The following MGAT4C variants were observed in gnomAD, a reference collection of about 807,000 sequenced individuals.
MGAT4C encodes alpha-1,3-mannosyl-glycoprotein 4-beta-N-acetylglucosaminyltransferase C.
A neutral mutation model predicts 40.1 loss-of-function variants in MGAT4C; 19 were observed. The ratio of observed to expected loss-of-function variants is 0.47; its 90% CI spans 0.33 to 0.70. MGAT4C has a LOEUF of 0.70. Ranked by LOEUF, MGAT4C falls within the 30% of genes least tolerant of loss-of-function variation. The pLI, the probability that MGAT4C is intolerant of heterozygous loss-of-function variation, is 0.02. For synonymous variants in MGAT4C, 181 were observed against 187.1 expected (o/e 0.97, Z 0.27); for missense variants, 491 against 563.2 (o/e 0.87, Z 1.30).
At chr12:86,578,271 G>A (rs1049328025) in intron 2 of MGAT4C, among the ~76,000 whole-genome samples, 3 of 151,778 alleles carry the variant, frequency 2.0e-5, no homozygotes, top group Non-Finnish European at 2.9e-5. Context: ...TTCTCAGAAG[G>A]ACATGTGGTG....
At chr12:86,135,824 G>C (rs745549730) in intron 1 of MGAT4C, among the ~76,000 whole-genome samples, 10 of 152,124 alleles carry the variant, frequency 6.6e-5, no homozygotes, top group Non-Finnish European at 1.2e-4. Flanking sequence ...AGATTAAGGT[G>C]ATCAATAACC....
intron 4 of MGAT4C, among the ~76,000 whole-genome samples, chr12:86,296,708 G>A (rs1156722114): frequency 3.3e-5 from 5 of 152,318 alleles, no homozygotes; most frequent in African/African-American, 7.2e-5. Context: ...TGCGGGGCCC[G>A]CCAAGCCCAG....
chr12:86,611,964 T>C (rs1014283432), intron 2 of MGAT4C, among the ~76,000 whole-genome samples: 1 of 152,192 alleles, frequency 6.6e-6, no homozygotes, highest in African/African-American at 2.4e-5. Flanking sequence ...TGAATTTATG[T>C]GGAAACATCA....
intron 1 of MGAT4C, among the ~76,000 whole-genome samples, chr12:86,158,688 C>T (rs1351393040): frequency 6.6e-6 from 1 of 152,012 alleles, no homozygotes; most frequent in Admixed American, 6.6e-5. Flanking sequence ...GTAAGTTACA[C>T]CATTAGAGAA....
intron 1 of MGAT4C, among the ~76,000 whole-genome samples, chr12:86,813,930 G>A (rs1003570068): frequency 2.0e-5 from 3 of 151,472 alleles, no homozygotes; most frequent in African/African-American, 7.3e-5. Flanking sequence ...GGGGGATGGG[G>A]AACAGAGTCT....
chr12:86,650,735 G>A (rs1160487168), intron 2 of MGAT4C, among the ~76,000 whole-genome samples: 4 of 151,832 alleles, frequency 2.6e-5, no homozygotes, highest in African/African-American at 7.2e-5. Flanking sequence ...GACTTAAGAG[G>A]AATTTATCAA....
chr12:86,171,965 T>G (rs1390393987), intron 1 of MGAT4C, among the ~76,000 whole-genome samples: 1 of 152,216 alleles, frequency 6.6e-6, no homozygotes, highest in Non-Finnish European at 1.5e-5. Flanking sequence ...CTAAAAACCC[T>G]TGAGCGAGAC....
chr12:86,572,692 C>T (rs1960413023), intron 2 of MGAT4C, among the ~76,000 whole-genome samples: 1 of 152,046 alleles, frequency 6.6e-6, no homozygotes, highest in Non-Finnish European at 1.5e-5. Context: ...TGGTCTGCCT[C>T]AATTACACAT....
intron 2 of MGAT4C, among the ~76,000 whole-genome samples, chr12:86,606,294 C>A (rs1266505416): frequency 1.3e-5 from 2 of 152,074 alleles, no homozygotes; most frequent in Non-Finnish European, 2.9e-5. Flanking sequence ...TAAACTCTGA[C>A]TAAGGTTATG....
intron 2 of MGAT4C, among the ~76,000 whole-genome samples, chr12:86,523,339 C>A (rs1465770348): frequency 6.6e-6 from 1 of 152,060 alleles, no homozygotes; most frequent in Non-Finnish European, 1.5e-5. Flanking sequence ...GCCTTAATTT[C>A]ATTATGTTCC....
At chr12:86,197,531 T>C (rs1039116229) in intron 1 of MGAT4C, among the ~76,000 whole-genome samples, 1 of 152,108 alleles carries the variant, frequency 6.6e-6, no homozygotes, top group Non-Finnish European at 1.5e-5. Flanking sequence ...CATGTGAAGG[T>C]ACAAGAAAAT....
chr12:86,365,636 G>T (rs1415845810), intron 3 of MGAT4C, among the ~76,000 whole-genome samples: 1 of 151,530 alleles, frequency 6.6e-6, no homozygotes, highest in Non-Finnish European at 1.5e-5. Flanking sequence ...GGCTTCAGCT[G>T]GTCCCTCCGT....
intron 1 of MGAT4C, among the ~76,000 whole-genome samples, chr12:86,746,734 A>G (rs897233672): frequency 4.6e-5 from 7 of 151,588 alleles, no homozygotes; most frequent in Admixed American, 1.3e-4. Flanking sequence ...CTTCACCTCC[A>G]TAGACCTGAC....
At chr12:86,127,067 G>A (rs1327902906) in intron 1 of MGAT4C, among the ~76,000 whole-genome samples, 1 of 152,210 alleles carries the variant, frequency 6.6e-6, no homozygotes, top group African/African-American at 2.4e-5. Flanking sequence ...AGGAGGTGGA[G>A]CAGTAATGCT....
chr12:86,502,702 G>GTTCTGCTC, intron 2 of MGAT4C, among the ~76,000 whole-genome samples: 1 of 146,690 alleles, frequency 6.8e-6, no homozygotes, highest in South Asian at 2.2e-4. Flanking sequence ...ATATACACGA[G>GTTCTGCTC]ATCTGCTCAT....
chr12:86,387,225 C>A (rs1956068008), intron 3 of MGAT4C, among the ~76,000 whole-genome samples: 1 of 152,046 alleles, frequency 6.6e-6, no homozygotes, highest in South Asian at 2.1e-4. Flanking sequence ...AATTTTACTG[C>A]ATACTTACTT....
intron 1 of MGAT4C, among the ~76,000 whole-genome samples, chr12:86,756,029 T>A (rs1393128721): frequency 3.3e-5 from 5 of 151,884 alleles, no homozygotes; most frequent in African/African-American, 9.7e-5. Context: ...TAAAGTTTTT[T>A]AAATGTTTTA....
At chr12:86,144,995 T>C (rs1204393690) in intron 1 of MGAT4C, among the ~76,000 whole-genome samples, 3 of 152,046 alleles carry the variant, frequency 2.0e-5, no homozygotes, top group African/African-American at 7.2e-5. Flanking sequence ...ACAAAAAAAA[T>C]ATTAAAGACT....
At chr12:86,811,552 G>C (rs1952474955) in intron 1 of MGAT4C, among the ~76,000 whole-genome samples, 1 of 150,840 alleles carries the variant, frequency 6.6e-6, no homozygotes, top group East Asian at 2.0e-4. Context: ...ATGTTGGCCA[G>C]GCTGGTCTTG....
Sources: allele counts gnomAD v4.1 joint callset (sites outside exome capture counted in the v4.1 genomes callset), GRCh38; gene constraint gnomAD v4.1.1; transcripts MANE v1.5; gene names NCBI Gene and HGNC (gene_info 2026-07-23, HGNC 2026-07-21).